The following IFT88 variants were observed in gnomAD, a reference collection of about 807,000 sequenced individuals.
IFT88 encodes the protein intraflagellar transport protein 88 homolog.
In IFT88, 74 loss-of-function variants were observed where a neutral mutation model predicts 119.5. The ratio of observed to expected loss-of-function variants is 0.62; its 90% CI spans 0.51 to 0.75. IFT88 has a LOEUF of 0.75. IFT88 is among the 30% of genes least tolerant of loss of function. The pLI is 0.00. For synonymous variants in IFT88, 279 were observed against 316.7 expected (o/e 0.88, Z 1.26); for missense variants, 961 against 977.7 (o/e 0.98, Z 0.23).
At chr13:20,568,111 G>T (rs2035310323) in intron 1 of IFT88, 1 of 664,102 alleles carries the variant, frequency 1.5e-6, no homozygotes. Context: ...GTGCGGGCCG[G>T]GGTTGGAAAA....
At chr13:20,589,754 T>A (rs1422145162) in intron 3 of IFT88, 57 bp from the exon 4 acceptor site, 1 of 1,010,818 alleles carries the variant, frequency 9.9e-7, no homozygotes, top group Admixed American at 2.0e-5. Flanking sequence ...CTTTTCCAGT[T>A]TTCTATTATA....
intron 2 of IFT88, among the ~76,000 whole-genome samples, 172 bp downstream of exon 2, chr13:20,574,647 G>T (rs1566044127): frequency 6.6e-6 from 1 of 152,148 alleles, no homozygotes. Context: ...AATAATAATT[G>T]CAGCAGAAGG....
intron 1 of IFT88, 103 bp downstream of exon 1, chr13:20,567,359 C>T (rs116537125): frequency 0.092 from 13,978 of 152,396 alleles, 799 homozygotes; most frequent in African/African-American, 0.15. Context: ...TCGCCCGTCT[C>T]CTGCCCGCCC....
In IFT88 at chr13:20,663,573, G is replaced by A. The variant is rs1789252128; in HGVS notation, c.2144G>A (p.Arg715Lys). Reference sequence around the variant, plus strand: ...CAAGAATATGCCAGAAAACTGAAGAGGTTGGAAAAAATGAAAGAAATAAGG... The same window carrying A: ...CAAGAATATGCCAGAAAACTGAAGAAGTTGGAAAAAATGAAAGAAATAAGG... ...DAQEYARKLK[R>K]LEKMKEIREQ... The change falls in exon 23 of 26, where the codon AGG becomes AAG. Residue 715 changes from arginine (R) to lysine (K), a missense_variant. By Grantham distance (26) the Arg-to-Lys change is conservative. Transcript: ENST00000351808. The A allele has an allele frequency of 4.3e-6, 7 of 1,613,696 alleles. No individual in the cohort carries two copies. Among genetic ancestry groups the A allele is most frequent in the Middle Eastern group, 1.7e-4 (1 of 6,060 alleles).
intron 24 of IFT88, among the ~76,000 whole-genome samples, chr13:20,676,876 G>A (rs2056736319): frequency 6.6e-6 from 1 of 152,108 alleles, no homozygotes; most frequent in South Asian, 2.1e-4. Flanking sequence ...ATATATGCAT[G>A]CATATATCCT....
At chr13:20,593,821 G>C (rs1475539680) in intron 7 of IFT88, among the ~76,000 whole-genome samples, 4 of 152,090 alleles carry the variant, frequency 2.6e-5, no homozygotes, top group Non-Finnish European at 4.4e-5. Context: ...AGGCCAAGGT[G>C]AGAGGATCAC....
At chr13:20,588,385 A>G (rs922934865) in intron 3 of IFT88, among the ~76,000 whole-genome samples, 1 of 151,876 alleles carries the variant, frequency 6.6e-6, no homozygotes, top group Admixed American at 6.6e-5. Flanking sequence ...ATATGTACCC[A>G]CTTCTGAGTT....
chr13:20,639,786 C>CTTT (rs34190452), intron 17 of IFT88, among the ~76,000 whole-genome samples: 122 of 109,448 alleles, frequency 1.1e-3, no homozygotes, highest in East Asian at 4.9e-3. Flanking sequence ...TAAAATTTGT[C>CTTT]TTTTTTTTTT....
At chr13:20,688,756 C>T (rs1410168886) in intron 24 of IFT88, among the ~76,000 whole-genome samples, 2 of 152,050 alleles carry the variant, frequency 1.3e-5, no homozygotes, top group African/African-American at 4.8e-5. Context: ...GAGATGGGGT[C>T]TTGCTGTATC....
chr13:20,568,520 T>C (rs1194429178), intron 1 of IFT88, among the ~76,000 whole-genome samples: 1 of 152,224 alleles, frequency 6.6e-6, no homozygotes, highest in Non-Finnish European at 1.5e-5. Context: ...TGCTTCCTTC[T>C]ATAACTTATG....
chr13:20,580,539 TA>T (rs1593745748), intron 2 of IFT88, among the ~76,000 whole-genome samples: 1 of 151,836 alleles, frequency 6.6e-6, no homozygotes, highest in East Asian at 1.9e-4. Flanking sequence ...TCAAAAAAAA[TA>T]AAAAAACCTA....
At chr13:20,605,171 T>C in intron 13 of IFT88, 66 bp downstream of exon 13, 1 of 613,198 alleles carries the variant, frequency 1.6e-6, no homozygotes, top group Non-Finnish European at 2.8e-6. Context: ...TGTTTAGTAT[T>C]AAGATACTTA....
Position 20,615,850 on chromosome 13 carries a change from T to C in IFT88, c.1170T>C (p.Ile390=). ...CTGCAAAACTCATTGCTCCTGTAAT[T>C]GAAACATCTTTTGCTGCAGGTTATG... The part of the protein sequence containing the change: ...MTSAKLIAPV[I]ETSFAAGYDW... The change falls in exon 14 of 26, where the codon ATT becomes ATC. Residue 390 remains isoleucine (I), a synonymous_variant. Coordinates refer to ENST00000351808, the MANE Select transcript of IFT88 (RefSeq NM_006531.5). The C allele has an allele frequency of 6.2e-7, 1 of 1,608,460 alleles. No homozygotes were observed. Among genetic ancestry groups the C allele is most frequent in the Non-Finnish European group, 8.5e-7 (1 of 1,177,254 alleles).
chr13:20,650,236 G>C (rs2051399067), intron 20 of IFT88, among the ~76,000 whole-genome samples: 1 of 152,004 alleles, frequency 6.6e-6, no homozygotes, highest in Admixed American at 6.6e-5. Context: ...CAAAATACTA[G>C]CAAACCAAAT....
At chr13:20,670,952 C>T (rs757431606) in intron 23 of IFT88, 21 bp from the exon 24 acceptor site, 2 of 1,606,086 alleles carry the variant, frequency 1.2e-6, no homozygotes, top group Non-Finnish European at 8.5e-7. Context: ...TTCTTTTAAA[C>T]TTGTCTTCTC....
chr13:20,588,427 G>T (rs1177291675), intron 3 of IFT88, among the ~76,000 whole-genome samples: 3 of 151,998 alleles, frequency 2.0e-5, no homozygotes, highest in Non-Finnish European at 4.4e-5. Flanking sequence ...CTTGGCTTTT[G>T]GTTAGGTAGT....
chr13:20,579,661 C>T (rs540015439), intron 2 of IFT88, among the ~76,000 whole-genome samples: 1 of 152,302 alleles, frequency 6.6e-6, no homozygotes, highest in East Asian at 1.9e-4. Flanking sequence ...TGAGCTGATA[C>T]CTAAGTTGCA....
chr13:20,637,847 A>T (rs1159871393), intron 16 of IFT88, among the ~76,000 whole-genome samples: 2 of 152,188 alleles, frequency 1.3e-5, no homozygotes. Context: ...ATATTTAAGA[A>T]CAGAGAGGTT....
At chr13:20,588,377 A>G (rs370953108) in intron 3 of IFT88, among the ~76,000 whole-genome samples, 101 of 152,214 alleles carry the variant, frequency 6.6e-4, no homozygotes, top group Middle Eastern at 3.4e-3. Context: ...TTTGCATTAT[A>G]TGTACCCACT....
Sources: allele counts gnomAD v4.1 joint callset (sites outside exome capture counted in the v4.1 genomes callset), GRCh38; gene constraint gnomAD v4.1.1; transcripts MANE v1.5; gene names NCBI Gene and HGNC (gene_info 2026-07-23, HGNC 2026-07-21).